Variants in ANO2 observed in about 807,000 individuals in gnomAD.
ANO2 encodes anoctamin-2.
ANO2 carries 101 observed loss-of-function variants against 124.2 expected under a neutral mutation model. The ratio of observed to expected loss-of-function variants is 0.81; its 90% CI spans 0.69 to 0.96. The LOEUF is 0.96. Among genes scored for constraint, ANO2 ranks in the 40% least tolerant of loss-of-function variants. The pLI is 0.00. For missense variants in ANO2, 1,293 were observed against 1,274.5 expected (o/e 1.01, Z -0.22); for synonymous variants, 486 against 482.5 (o/e 1.01, Z -0.09).
Position 5,638,237 on chromosome 12 carries a change from C to CTTTTTTTTTTTTTTTT in ANO2, c.1621-2906_1621-2891dup, listed in dbSNP as rs35224024. Among the ~76,000 whole-genome samples the CTTTTTTTTTTTTTTTT allele has an allele frequency of 7.0e-4, 88 of 124,842 alleles. 6 individuals are homozygous for CTTTTTTTTTTTTTTTT. The highest frequency in any genetic ancestry group is 4.3e-3 in the Middle Eastern group (1 of 230). 81.9% of individuals were successfully genotyped at this position (124,842 alleles called of 152,430 possible). A position where few individuals can be genotyped will look rare whatever the true frequency, so the allele number is the denominator to read the frequency against. On this transcript the variant is annotated intron_variant, in intron 15 of 24. Transcript: ENST00000682330. ...ATCTTCACTAGCACTGTTTCTTTTC[C>CTTTTTTTTTTTTTTTT]TTTTTTTTTTTTTTTTGAGACGGAG...
intron 14 of ANO2, among the ~76,000 whole-genome samples, chr12:5,701,017 C>T (rs1949380105): frequency 1.6e-5 from 2 of 126,010 alleles, no homozygotes; most frequent in African/African-American, 2.5e-5. Flanking sequence ...CAAATCCATC[C>T]GTCCAACACT....
intron 7 of ANO2, among the ~76,000 whole-genome samples, chr12:5,822,953 T>C (rs1953851836): frequency 6.6e-6 from 1 of 151,944 alleles, no homozygotes; most frequent in African/African-American, 2.4e-5. Context: ...AAACCCCTGA[T>C]AAACCCATCA....
rs575756192 is a variant in ANO2 at position 5,880,891 on chromosome 12, G to C, written c.535-26750C>G. On this transcript the variant is annotated intron_variant, in intron 3 of 24. Transcript: ENST00000682330. The stretch of plus-strand genomic sequence containing the variant: ...GAGTGGATGGGTGGATGAGTGGATG[G>C]GTAGGTGGGGGATGGATGGATGGAT... Among the ~76,000 whole-genome samples the C allele has an allele frequency of 5.9e-5, 5 of 84,362 alleles. No individual in the cohort carries two copies. The South Asian group carries it at 2.0e-3, about 33-fold the overall frequency. The allele number at this position is 84,362 out of a possible 152,430, so 55.3% of individuals were successfully genotyped here.
At chr12:5,789,513 G>A (rs1458120937) in intron 10 of ANO2, among the ~76,000 whole-genome samples, 5 of 152,224 alleles carry the variant, frequency 3.3e-5, no homozygotes, top group Admixed American at 3.3e-4. Context: ...CCCTGCCGCA[G>A]GCTGAGTGAC....
intron 3 of ANO2, among the ~76,000 whole-genome samples, chr12:5,874,392 G>C (rs544595437): frequency 6.6e-6 from 1 of 152,300 alleles, no homozygotes; most frequent in South Asian, 2.1e-4. Flanking sequence ...GCCCTATGCA[G>C]GCAAGAGCTT....
At chr12:5,781,601 T>A (rs543602789) in intron 10 of ANO2, among the ~76,000 whole-genome samples, 4 of 152,372 alleles carry the variant, frequency 2.6e-5, no homozygotes, top group African/African-American at 4.8e-5. Flanking sequence ...TGCTAATAAA[T>A]GTTTAGTCAA....
chr12:5,693,764 C>T (rs866913924), intron 14 of ANO2, among the ~76,000 whole-genome samples: 7 of 152,282 alleles, frequency 4.6e-5, no homozygotes, highest in African/African-American at 1.7e-4. Context: ...GTTTGCTCTA[C>T]ATCAGGACCT....
At chr12:5,578,626 A>G in intron 20 of ANO2, 108 bp from the exon 21 acceptor site, 1 of 1,170,114 alleles carries the variant, frequency 8.5e-7, no homozygotes, top group Non-Finnish European at 1.2e-6. Context: ...TATCTTTCCC[A>G]TATGGGGTAA....
chr12:5,945,576 A>C (rs1943070219), upstream of ANO2, among the ~76,000 whole-genome samples: 1 of 152,224 alleles, frequency 6.6e-6, no homozygotes, highest in African/African-American at 2.4e-5. Flanking sequence ...GAGTGTAAAA[A>C]TTCAGTCGGA....
intron 19 of ANO2, among the ~76,000 whole-genome samples, chr12:5,611,794 A>T (rs547767104): frequency 3.5e-4 from 53 of 152,306 alleles, no homozygotes; most frequent in African/African-American, 1.3e-3. Flanking sequence ...GTCCTGTCTG[A>T]CGATTACACC....
intron 14 of ANO2, among the ~76,000 whole-genome samples, chr12:5,663,186 T>C (rs1427103879): frequency 2.0e-5 from 3 of 152,196 alleles, no homozygotes; most frequent in Non-Finnish European, 4.4e-5. Context: ...CCTGCTAGGC[T>C]GAAGGCATCC....
At chr12:5,620,446 C>T (rs1945055435) in intron 16 of ANO2, among the ~76,000 whole-genome samples, 1 of 152,120 alleles carries the variant, frequency 6.6e-6, no homozygotes, top group Non-Finnish European at 1.5e-5. Context: ...AATCTGGAGA[C>T]AGCAGTGTAA....
chr12:5,579,861 T>C (rs1236645932), intron 20 of ANO2, among the ~76,000 whole-genome samples: 1 of 152,232 alleles, frequency 6.6e-6, no homozygotes, highest in East Asian at 1.9e-4. Context: ...ACACTCTGGC[T>C]GGCAAGCTTC....
rs556417272 is a variant in ANO2 at position 5,697,813 on chromosome 12, G to A, written c.1545+34707C>T. Among the ~76,000 whole-genome samples, 237 of 152,304 alleles carry A rather than the reference G, an allele frequency of 1.6e-3. 2 individuals carry two copies. The highest frequency in any genetic ancestry group is 6.8e-3 in the Middle Eastern group (2 of 294). ...ATGGCACACCAGGAGATTATATCCC[G>A]CACCTGGCTCGGAGGGTCCCACGCC... On this transcript the variant is annotated intron_variant, in intron 14 of 24. Transcript: ENST00000682330.
At chr12:5,772,422 T>C (rs1353738197) in intron 10 of ANO2, among the ~76,000 whole-genome samples, 2 of 152,230 alleles carry the variant, frequency 1.3e-5, no homozygotes, top group Admixed American at 6.5e-5. Flanking sequence ...TCAGCTTATC[T>C]TTTGGGAATA....
At chr12:5,782,949 A>C (rs1952443737) in intron 10 of ANO2, among the ~76,000 whole-genome samples, 1 of 152,184 alleles carries the variant, frequency 6.6e-6, no homozygotes, top group African/African-American at 2.4e-5. Flanking sequence ...TATCTTCCCT[A>C]CTGCCAATCT....
intron 12 of ANO2, among the ~76,000 whole-genome samples, chr12:5,741,618 T>C (rs1275524603): frequency 1.3e-5 from 2 of 152,064 alleles, no homozygotes; most frequent in South Asian, 2.1e-4. Flanking sequence ...AAAAGAGTCA[T>C]GGATAGATGA....
At chr12:5,852,366 A>AC (rs35605644) in intron 4 of ANO2, among the ~76,000 whole-genome samples, 14 of 151,746 alleles carry the variant, frequency 9.2e-5, no homozygotes, top group South Asian at 4.2e-4. Context: ...CAGGCATGTG[A>AC]CCCCCCTCCC....
At position 5,701,087 on chromosome 12, in the gene ANO2, A is replaced by ATTTTTTTTT. The variant is rs56113538; in HGVS notation, c.1545+31424_1545+31432dup. Among the ~76,000 whole-genome samples the ATTTTTTTTT allele has an allele frequency of 1.8e-4, 17 of 93,606 alleles. 1 individual carries two copies. Among genetic ancestry groups the ATTTTTTTTT allele is most frequent in the Non-Finnish European group, 2.1e-4 (11 of 51,430 alleles). The allele number at this position is 93,606 out of a possible 152,430, so 61.4% of individuals were successfully genotyped here. ...TCCTCTAGGATTCTAGTCATTTTCA[A>ATTTTTTTTT]TTTTTTTTTTTTTTTTTTTTTTTTG... On this transcript the variant is annotated intron_variant, in intron 14 of 24. Coordinates refer to ENST00000682330, the MANE Select transcript of ANO2 (RefSeq NM_001364791.2).
Sources: allele counts gnomAD v4.1 joint callset (sites outside exome capture counted in the v4.1 genomes callset), GRCh38; gene constraint gnomAD v4.1.1; transcripts MANE v1.5; gene names NCBI Gene and HGNC (gene_info 2026-07-23, HGNC 2026-07-21).